The following NCAPD3 variants were observed in gnomAD, a reference collection of about 807,000 sequenced individuals.
NCAPD3 encodes condensin-2 complex subunit D3.
NCAPD3 carries 105 observed loss-of-function variants against 182.9 expected under a neutral mutation model. The observed-to-expected ratio is 0.57, with a 90% CI of 0.49 to 0.68. NCAPD3 has a LOEUF of 0.68. Among genes scored for constraint, NCAPD3 ranks in the 30% least tolerant of loss-of-function variants. The pLI is 0.00. For missense variants in NCAPD3, 1,944 were observed against 1,837.0 expected, an observed-to-expected ratio of 1.06 and a Z score of -1.07; for synonymous variants, 815 against 679.9, an observed-to-expected ratio of 1.20 and a Z score of -3.09.
chr11:134,223,264 T>C, intron 1 of NCAPD3: 3 of 591,202 alleles, frequency 5.1e-6, no homozygotes. Context: ...ACTCCTGCAA[T>C]TGCTCGAGGC....
At chr11:134,222,314 T>C (rs1591870601) in intron 1 of NCAPD3, among the ~76,000 whole-genome samples, 1 of 152,204 alleles carries the variant, frequency 6.6e-6, no homozygotes, top group South Asian at 2.1e-4. Flanking sequence ...GAGAAAATAC[T>C]AGGGAAGCCA....
At position 134,153,192 on chromosome 11, in the gene NCAPD3, C is replaced by T. The variant is rs1319820886; in HGVS notation, c.4336G>A (p.Glu1446Lys). ...RTPSSAKEKI[E>K]GRSQGNDILC... ...ATGTCATTTCCTTGACTCCGGCCTTCAATTTTCTCTAAAAGGGAGTCAAAC... is the reference window on the plus strand; with the variant it reads ...ATGTCATTTCCTTGACTCCGGCCTTTAATTTTCTCTAAAAGGGAGTCAAAC... The change falls in exon 34 of 35, where the codon GAA becomes AAA. Residue 1446 changes from glutamate to lysine, a missense_variant. Physicochemically the swap from Glu to Lys is moderately conservative, Grantham distance 56. Coordinates refer to ENST00000534548, the MANE Select transcript of NCAPD3 (RefSeq NM_015261.3). 4 of 1,614,164 alleles carry T rather than the reference C, an allele frequency of 2.5e-6. No homozygotes were observed. Among genetic ancestry groups the T allele is most frequent in the Non-Finnish European group, 2.5e-6 (3 of 1,180,002 alleles).
chr11:134,154,843 G>A (rs1041421929), intron 32 of NCAPD3, among the ~76,000 whole-genome samples: 4 of 152,236 alleles, frequency 2.6e-5, no homozygotes, highest in African/African-American at 9.6e-5. Flanking sequence ...CACTGCAGCT[G>A]TGTACCCGAT....
In NCAPD3 at chr11:134,152,250, C is replaced by G. The variant is rs1283775289; in HGVS notation, c.*694G>C. 6.6e-6 allele frequency among the ~76,000 whole-genome samples: 1 copy of G among 152,262 alleles called. No homozygotes were observed. The highest frequency in any genetic ancestry group is 1.5e-5 in the Non-Finnish European group (1 of 68,052). ...TTTTTTCCCAAGAAGGGATGCTGTT[C>G]ATGTCTGTTAGGGAAAGCACACCGC... On this transcript the variant is annotated 3_prime_UTR_variant, in exon 35 of 35. Transcript: ENST00000534548.
intron 13 of NCAPD3, among the ~76,000 whole-genome samples, chr11:134,202,204 C>T (rs1317920993): frequency 6.6e-6 from 1 of 152,182 alleles, no homozygotes; most frequent in East Asian, 1.9e-4. Context: ...CTTTCTCTCT[C>T]TTATCTGTGT....
chr11:134,175,132 C>A (rs568903451), intron 24 of NCAPD3, among the ~76,000 whole-genome samples: 2 of 152,298 alleles, frequency 1.3e-5, no homozygotes, highest in African/African-American at 4.8e-5. Context: ...ATGTACAAAT[C>A]CCACATACAG....
At position 134,169,050 on chromosome 11, in the gene NCAPD3, C is replaced by G; in HGVS notation, c.3106G>C (p.Gly1036Arg). Residue 1036 changes from glycine to arginine, a missense_variant, in exon 25 of 35, where the codon GGG becomes CGG. This residue lies in a region of NCAPD3 where 1,803 missense variants were observed against 1,674.6 expected (regional missense o/e 1.08). Transcript: ENST00000534548. Reference protein sequence around the residue: ...IDSHPDIASFGEFCLAHLLLK... With the variant: ...IDSHPDIASFREFCLAHLLLK... ...AACAGGTGAGCCAGGCAAAACTCCC[C>G]GAAGCTGCAAAGGTGAGAGAAACAA... is the stretch of plus-strand genomic sequence containing the variant. 1.2e-6 allele frequency: 2 copies of G among 1,613,098 alleles called. No individual in the cohort carries two copies. Among genetic ancestry groups the G allele is most frequent in the South Asian group, 2.2e-5 (2 of 90,846 alleles).
chr11:134,208,650 G>A (rs934420693), intron 7 of NCAPD3, among the ~76,000 whole-genome samples: 11 of 152,148 alleles, frequency 7.2e-5, no homozygotes, highest in African/African-American at 2.7e-4. Flanking sequence ...ATAATTTGCT[G>A]CAGCCACCAA....
chr11:134,157,820 G>T, intron 31 of NCAPD3, 108 bp downstream of exon 31: 1 of 1,233,848 alleles, frequency 8.1e-7, no homozygotes, highest in Non-Finnish European at 1.1e-6. Flanking sequence ...AACGTTATTT[G>T]TTTTAAAGAT....
intron 32 of NCAPD3, chr11:134,153,611 C>G: frequency 1.8e-6 from 1 of 550,156 alleles, no homozygotes; most frequent in East Asian, 3.1e-5. Context: ...CTGGGCCTCA[C>G]TGTTCACGCC....
intron 22 of NCAPD3, chr11:134,177,693 C>G (rs1038067046): frequency 3.9e-6 from 2 of 517,710 alleles, no homozygotes; most frequent in Admixed American, 3.5e-5. Flanking sequence ...TGTTCCTTTA[C>G]ACTAATAAAA....
At chr11:134,184,030 A>T (rs542360313) in intron 19 of NCAPD3, among the ~76,000 whole-genome samples, 68 of 152,342 alleles carry the variant, frequency 4.5e-4, no homozygotes, top group African/African-American at 1.6e-3. Context: ...ATATATGGTA[A>T]TAAAATTATT....
intron 32 of NCAPD3, chr11:134,153,642 C>A (rs1377406230): frequency 2.0e-5 from 10 of 499,788 alleles, no homozygotes; most frequent in Admixed American, 6.6e-5. Context: ...CTCCCGCCGT[C>A]TTCCATCATT....
In NCAPD3 at chr11:134,159,795, G is replaced by C. The variant is rs117773971; in HGVS notation, c.3867+97C>G. 1,032 of 1,325,170 alleles carry C rather than the reference G, an allele frequency of 7.8e-4. 16 individuals carry two copies. In the East Asian group the frequency reaches 0.024, roughly 31 times the overall value. The allele number at this position is 1,325,170 out of a possible 1,614,324, so 82.1% of individuals were successfully genotyped here. A position where few individuals can be genotyped will look rare whatever the true frequency, so the allele number is the denominator to read the frequency against. ...GAGGCCTTCGGGCTGACTAACCTCTGATGACGGAGATCTTGAGAGGTGCCA... is the reference window on the plus strand; with the variant it reads ...GAGGCCTTCGGGCTGACTAACCTCTCATGACGGAGATCTTGAGAGGTGCCA... On this transcript the variant is annotated intron_variant, in intron 29 of 34. Coordinates refer to ENST00000534548, the MANE Select transcript of NCAPD3 (RefSeq NM_015261.3).
Position 134,176,471 on chromosome 11 carries a change from G to C in NCAPD3, c.3022-85C>G, listed in dbSNP as rs1025179621. On this transcript the variant is annotated intron_variant, in intron 23 of 34. Coordinates refer to ENST00000534548, the MANE Select transcript of NCAPD3 (RefSeq NM_015261.3). ...CCCAGCCACACCCCACCCACCACGC[G>C]GTCTGTCCCCGGCACACTGGCTGAG... The C allele has an allele frequency of 7.9e-6, 9 of 1,146,490 alleles. No homozygotes were observed. The Admixed American group carries it at 1.0e-4, about 13-fold the overall frequency. The allele number at this position is 1,146,490 out of a possible 1,614,324, so 71.0% of individuals were successfully genotyped here. A position where few individuals can be genotyped will look rare whatever the true frequency, so the allele number is the denominator to read the frequency against.
intron 32 of NCAPD3, 147 bp from the exon 33 acceptor site, chr11:134,153,510 T>G: frequency 1.3e-6 from 1 of 786,908 alleles, no homozygotes; most frequent in Non-Finnish European, 2.2e-6. Context: ...TCCCAGGGCC[T>G]GGCAGTGTTG....
chr11:134,182,552 TCTC>T (rs1944320096), intron 19 of NCAPD3, among the ~76,000 whole-genome samples: 1 of 152,174 alleles, frequency 6.6e-6, no homozygotes, highest in Non-Finnish European at 1.5e-5. Context: ...ATTTAACTGC[TCTC>T]CTCTAGTTAT....
rs185475926 is a variant in NCAPD3, at chr11:134,221,413, T to C, written c.65-687A>G. ...TTTTAACTTAAAGTTTTTGGGTACATGTGCACAACATGCAGGTTTGTTACA... is the reference window on the plus strand; with the variant it reads ...TTTTAACTTAAAGTTTTTGGGTACACGTGCACAACATGCAGGTTTGTTACA... On this transcript the variant is annotated intron_variant, in intron 1 of 34. Coordinates refer to ENST00000534548, the MANE Select transcript of NCAPD3 (RefSeq NM_015261.3). Among the ~76,000 whole-genome samples the C allele has an allele frequency of 3.7e-3, 559 of 152,156 alleles. 3 individuals are homozygous for C. The highest frequency in any genetic ancestry group is 0.013 in the African/African-American group (534 of 41,478).
rs1937743132 is a variant in NCAPD3, at chr11:134,209,443, T to C, written c.602A>G (p.Asn201Ser). ...AAGGTCCCGGGCAGAAAAACAAATA[T>C]TCTCATCTTCTTGTTCTTCTATAAT... ...DEIIEEQEDE[N>S]ICFSARDLSQ... Residue 201 changes from asparagine to serine, a missense_variant, in exon 5 of 35, where the codon AAT becomes AGT. Around this residue, in one of 3 missense-constraint regions of NCAPD3, gnomAD observed 1,803 missense variants for 1,674.6 expected, o/e 1.08. Transcript: ENST00000534548. 1 of 1,612,690 alleles carries C rather than the reference T, an allele frequency of 6.2e-7. No homozygotes were observed. The highest frequency in any genetic ancestry group is 8.5e-7 in the Non-Finnish European group (1 of 1,179,532).
Sources: gnomAD v4.1 joint callset for allele counts (sites outside exome capture counted in the v4.1 genomes callset) on GRCh38, gnomAD v4.1.1 for gene constraint, gnomAD v4.1.1 regional missense constraint, MANE v1.5 for transcripts, NCBI Gene and HGNC (gene_info 2026-07-23, HGNC 2026-07-21) for gene names.